Variants in PDE9A observed in about 807,000 individuals in gnomAD.
The protein encoded by PDE9A is high affinity cGMP-specific 3',5'-cyclic phosphodiesterase 9A.
PDE9A carries 60 observed loss-of-function variants against 87.4 expected under a neutral mutation model. That is an observed-to-expected ratio of 0.69 (90% CI 0.56 to 0.85). The LOEUF is 0.85. PDE9A is among the 40% of genes least tolerant of loss of function. PDE9A has a pLI of 0.00. For missense variants in PDE9A, 665 were observed against 779.0 expected (o/e 0.85, Z 1.74); for synonymous variants, 272 against 279.4 (o/e 0.97, Z 0.27).
intron 1 of PDE9A, among the ~76,000 whole-genome samples, chr21:42,670,358 C>CCA (rs545468566): frequency 8.0e-6 from 1 of 124,740 alleles, no homozygotes. Flanking sequence ...ACACACACAT[C>CCA]CACACACACA....
At chr21:42,680,185 G>A (rs1208261633) in intron 1 of PDE9A, among the ~76,000 whole-genome samples, 1 of 152,250 alleles carries the variant, frequency 6.6e-6, no homozygotes, top group African/African-American at 2.4e-5. Flanking sequence ...GTCCCAGTGT[G>A]GCCAGCCCGG....
In PDE9A at chr21:42,774,995, G is replaced by A. The variant is rs1480006053; in HGVS notation, c.1769-285G>A. Among the ~76,000 whole-genome samples the A allele has an allele frequency of 5.3e-5, 8 of 150,846 alleles. 1 individual carries two copies. In the South Asian group the frequency reaches 1.7e-3, roughly 32 times the overall value. ...CTCGCTCTGTTGCCCAGGCTGGAGT[G>A]CAGTGGTGCAATCTCGGCTCACTGC... On this transcript the variant is annotated intron_variant, in intron 19 of 19. Transcript: ENST00000291539.
intron 1 of PDE9A, among the ~76,000 whole-genome samples, chr21:42,657,486 T>G (rs570647361): frequency 6.6e-6 from 1 of 152,330 alleles, no homozygotes; most frequent in East Asian, 1.9e-4. Context: ...ATTCGTTTTT[T>G]CCTTTCCTCA....
intron 7 of PDE9A, among the ~76,000 whole-genome samples, chr21:42,742,557 C>T (rs1370403408): frequency 1.3e-5 from 2 of 151,044 alleles, no homozygotes; most frequent in Non-Finnish European, 2.9e-5. Flanking sequence ...CCTCCGCCTC[C>T]CGGGTTCAAG....
chr21:42,697,189 C>G (rs78011957), intron 3 of PDE9A, among the ~76,000 whole-genome samples: 3,407 of 152,208 alleles, frequency 0.022, 69 homozygotes, highest in Middle Eastern at 0.037. Flanking sequence ...TCCACAGTGC[C>G]CGGCTCTCCC....
intron 3 of PDE9A, among the ~76,000 whole-genome samples, chr21:42,690,586 C>G (rs1197715804): frequency 6.6e-6 from 1 of 151,986 alleles, no homozygotes; most frequent in East Asian, 1.9e-4. Flanking sequence ...GTCCCCCAGG[C>G]TGGTGCCTGC....
intron 4 of PDE9A, among the ~76,000 whole-genome samples, chr21:42,713,298 T>C (rs1306850491): frequency 6.6e-6 from 1 of 152,050 alleles, no homozygotes; most frequent in African/African-American, 2.4e-5. Flanking sequence ...CCACACCAGA[T>C]AATTTTTGTA....
intron 8 of PDE9A, among the ~76,000 whole-genome samples, chr21:42,748,088 T>C (rs1231851380): frequency 6.6e-6 from 1 of 152,218 alleles, no homozygotes; most frequent in Non-Finnish European, 1.5e-5. Flanking sequence ...ACAGTCAAAC[T>C]GTCTTGCTCG....
chr21:42,688,198 A>T (rs1400605414), intron 3 of PDE9A, among the ~76,000 whole-genome samples: 1 of 152,150 alleles, frequency 6.6e-6, no homozygotes, highest in African/African-American at 2.4e-5. Context: ...CCAAGATAAC[A>T]ATTGCAGCCG....
rs1258591988 is a variant in PDE9A, at chr21:42,759,037, G to C, written c.849G>C (p.Gly283=). 6.2e-7 allele frequency: 1 copy of C among 1,614,146 alleles called. No individual in the cohort carries two copies. The highest frequency in any genetic ancestry group is 1.1e-5 in the South Asian group (1 of 91,082). Reference sequence around the variant, plus strand: ...TGGAGCACATGTACCACGACCTCGGGCTGGTCAGGGACTTCAGCATCAACC... The same window carrying C: ...TGGAGCACATGTACCACGACCTCGGCCTGGTCAGGGACTTCAGCATCAACC... ...SCLEHMYHDL[G]LVRDFSINPV... is the part of the protein sequence containing the mutation. Residue 283 remains glycine, a synonymous_variant, in exon 11 of 20, where the codon GGG becomes GGC. Transcript: ENST00000291539. This position sits in a 1 kb window ranked among gnomAD's most constrained non-coding sequence, Gnocchi z 7.2.
rs200159721 is a variant in PDE9A, at chr21:42,762,054, T to A, written c.1086-29T>A. The A allele has an allele frequency of 2.5e-6, 4 of 1,602,772 alleles. No homozygotes were observed. In the East Asian group the frequency reaches 8.9e-5, roughly 36 times the overall value. ...CAGGTACCTGGTGAGGGCGCCTGAG[T>A]CTCCCCTCACTCTCTCCTTGCCTCC... is the stretch of plus-strand genomic sequence containing the variant. On this transcript the variant is annotated intron_variant, in intron 13 of 19. Transcript: ENST00000291539.
At position 42,723,292 on chromosome 21, in the gene PDE9A, G is replaced by C. The variant is rs1006631156; in HGVS notation, c.263-8478G>C. On this transcript the variant is annotated intron_variant, in intron 4 of 19. Coordinates refer to ENST00000291539, the MANE Select transcript of PDE9A (RefSeq NM_002606.3). The surrounding 1 kb of genome is among the most constrained non-coding windows in gnomAD (Gnocchi z 4.3). ...TCTGCTGGACTCCAGGATTGCCCTG[G>C]AACAAACCTAAAGTCTCCTATGACA... is the stretch of plus-strand genomic sequence containing the variant. 6.6e-6 allele frequency among the ~76,000 whole-genome samples: 1 copy of C among 152,212 alleles called. No homozygotes were observed. Among genetic ancestry groups the C allele is most frequent in the African/African-American group, 2.4e-5 (1 of 41,448 alleles).
chr21:42,757,441 TCA>T (rs1440003155), intron 10 of PDE9A: 1 of 152,272 alleles, frequency 6.6e-6, no homozygotes, highest in African/African-American at 2.4e-5. Flanking sequence ...TTTCCAGGTT[TCA>T]CACACAGCGT....
chr21:42,768,089 C>T (rs1027216983), intron 15 of PDE9A, 99 bp from the exon 16 acceptor site: 22 of 754,312 alleles, frequency 2.9e-5, no homozygotes, highest in East Asian at 7.5e-5. Context: ...GCAGGTCCTC[C>T]GTCTCTTCCT....
rs2048640144 is a variant in PDE9A, at chr21:42,704,430, C to CGAAA, written c.262+5419_262+5420insGAAA. Among the ~76,000 whole-genome samples the CGAAA allele has an allele frequency of 1.6e-5, 1 of 64,284 alleles. No homozygotes were observed. Among genetic ancestry groups the CGAAA allele is most frequent in the South Asian group, 5.2e-4 (1 of 1,930 alleles). The allele number at this position is 64,284 out of a possible 152,430, so 42.2% of individuals were successfully genotyped here. On this transcript the variant is annotated intron_variant, in intron 4 of 19. Transcript: ENST00000291539. This position sits in a 1 kb window ranked among gnomAD's most constrained non-coding sequence, Gnocchi z 5.3. ...TGTCAGGTAGACCCCCCCCACCCCA[C>CGAAA]CAAACACACACACACACACACACAC...
chr21:42,762,301 A>G, intron 14 of PDE9A, 62 bp downstream of exon 14: 1 of 1,537,306 alleles, frequency 6.5e-7, no homozygotes, highest in Non-Finnish European at 8.9e-7. Context: ...AGCAGCCCCC[A>G]CTCTCCATTG....
intron 7 of PDE9A, among the ~76,000 whole-genome samples, chr21:42,736,538 C>T (rs553382189): frequency 1.3e-4 from 20 of 152,350 alleles, no homozygotes; most frequent in Admixed American, 1.1e-3. Flanking sequence ...GCTCACTGCA[C>T]TGACCAAAAT....
chr21:42,755,520 G>A (rs1035413263), intron 10 of PDE9A, among the ~76,000 whole-genome samples: 12 of 152,258 alleles, frequency 7.9e-5, no homozygotes, highest in Admixed American at 4.6e-4. Context: ...GTGCAGGACC[G>A]GGGCGCAGAG....
chr21:42,697,382 A>G (rs1288059942), intron 3 of PDE9A: 1 of 1,362,746 alleles, frequency 7.3e-7, no homozygotes, highest in Non-Finnish European at 1.1e-6. Context: ...TGGTGTGTAT[A>G]CCCCTCCATA....
Sources: allele counts gnomAD v4.1 joint callset (sites outside exome capture counted in the v4.1 genomes callset), GRCh38; gene constraint gnomAD v4.1.1; non-coding constraint Gnocchi (gnomAD v3.1); transcripts MANE v1.5; gene names NCBI Gene and HGNC (gene_info 2026-07-23, HGNC 2026-07-21).